Variants in CHRM3 observed in about 807,000 individuals in gnomAD.
CHRM3 encodes the protein cholinergic receptor muscarinic 3.
CHRM3 carries 11 observed loss-of-function variants against 41.8 expected under a neutral mutation model. The ratio of observed to expected loss-of-function variants is 0.26; its 90% confidence interval spans 0.17 to 0.44. The LOEUF (loss-of-function observed/expected upper bound fraction) is 0.44. Among genes scored for constraint, CHRM3 ranks in the 20% least tolerant of loss-of-function variants. The pLI, the probability that CHRM3 is intolerant of heterozygous loss-of-function variation, is 1.00. For missense variants in CHRM3, 571 were observed against 745.4 expected, an observed-to-expected ratio of 0.77 and a Z score of 2.72; for synonymous variants, 297 against 301.4, an observed-to-expected ratio of 0.99 and a Z score of 0.15.
In CHRM3 at chr1:239,747,645, G is replaced by A. The variant is rs1019692833; in HGVS notation, c.-147+69357G>A. On this transcript the variant is annotated intron_variant, in intron 5 of 6. Coordinates refer to ENST00000676153, the MANE Select transcript of CHRM3 (RefSeq NM_001375978.1). ...AAATAGAGCACAGAATTCTTGCTTTGAGAATGTGTGGCTTGCTCTGCATTT... is the reference window on the plus strand; with the variant it reads ...AAATAGAGCACAGAATTCTTGCTTTAAGAATGTGTGGCTTGCTCTGCATTT... Among the ~76,000 whole-genome samples, 3 of 152,196 alleles carry A rather than the reference G, an allele frequency of 2.0e-5. No homozygotes were observed. The South Asian group carries it at 6.2e-4, about 32-fold the overall frequency.
chr1:239,410,337 C>T (rs192113856), intron 1 of CHRM3, among the ~76,000 whole-genome samples: 9 of 152,244 alleles, frequency 5.9e-5, no homozygotes, highest in Admixed American at 1.3e-4. Flanking sequence ...AGCTTTCCGC[C>T]TCATGAAATT....
At chr1:239,701,051 T>C (rs1660639937) in intron 5 of CHRM3, among the ~76,000 whole-genome samples, 2 of 152,228 alleles carry the variant, frequency 1.3e-5, no homozygotes, top group African/African-American at 4.8e-5. Context: ...CCTTTACTTT[T>C]ATTTACCCTT....
At chr1:239,508,890 CT>C (rs1426402727) in intron 2 of CHRM3, among the ~76,000 whole-genome samples, 2 of 152,064 alleles carry the variant, frequency 1.3e-5, no homozygotes, top group East Asian at 3.8e-4. Context: ...GAGATGATAA[CT>C]TGGAAAAAAA....
chr1:239,580,511 C>A (rs561537242), intron 3 of CHRM3, among the ~76,000 whole-genome samples: 1 of 151,614 alleles, frequency 6.6e-6, no homozygotes, highest in African/African-American at 2.4e-5. Context: ...TCACTGTTAT[C>A]CTCACCCAAC....
At chr1:239,686,976 C>A (rs1229863776) in intron 5 of CHRM3, among the ~76,000 whole-genome samples, 1 of 152,080 alleles carries the variant, frequency 6.6e-6, no homozygotes, top group African/African-American at 2.4e-5. Flanking sequence ...ATATTATTAA[C>A]ATAAGTGCTT....
chr1:239,814,726 C>G (rs1671428971), intron 5 of CHRM3, among the ~76,000 whole-genome samples: 1 of 152,262 alleles, frequency 6.6e-6, no homozygotes, highest in African/African-American at 2.4e-5. Context: ...GACTCACGGT[C>G]AGGTCAGTGA....
intron 3 of CHRM3, among the ~76,000 whole-genome samples, chr1:239,604,315 GAA>G (rs11298833): frequency 3.3e-4 from 49 of 148,504 alleles, no homozygotes; most frequent in African/African-American, 9.2e-4. Context: ...CTGACAATCT[GAA>G]AAAAAAAAAG....
intron 6 of CHRM3, among the ~76,000 whole-genome samples, chr1:239,868,606 T>C (rs1676317673): frequency 6.6e-6 from 1 of 152,082 alleles, no homozygotes; most frequent in Non-Finnish European, 1.5e-5. Context: ...AGTTCTCAAA[T>C]CTGTTCTCAA....
chr1:239,644,069 G>A (rs1001024005), intron 4 of CHRM3, among the ~76,000 whole-genome samples: 1 of 152,206 alleles, frequency 6.6e-6, no homozygotes, highest in African/African-American at 2.4e-5. Flanking sequence ...ATTGACAAAT[G>A]TGATGTTGAA....
intron 3 of CHRM3, among the ~76,000 whole-genome samples, chr1:239,631,139 CTT>C (rs2148868059): frequency 6.6e-6 from 1 of 152,288 alleles, no homozygotes; most frequent in African/African-American, 2.4e-5. Flanking sequence ...AGCAATTACT[CTT>C]GTCCCCCATA....
chr1:239,833,408 A>G (rs1010156231), intron 6 of CHRM3, among the ~76,000 whole-genome samples: 6 of 152,316 alleles, frequency 3.9e-5, no homozygotes, highest in Non-Finnish European at 5.9e-5. Flanking sequence ...GAACCAGGGG[A>G]GAGGAGGAGT....
chr1:239,817,464 A>T (rs1671684643), intron 5 of CHRM3, among the ~76,000 whole-genome samples: 1 of 151,982 alleles, frequency 6.6e-6, no homozygotes, highest in African/African-American at 2.4e-5. Context: ...AATCTTTAAG[A>T]CAGAATCCAG....
At chr1:239,695,228 T>C (rs187022537) in intron 5 of CHRM3, among the ~76,000 whole-genome samples, 15 of 152,254 alleles carry the variant, frequency 9.9e-5, no homozygotes, top group Non-Finnish European at 2.1e-4. Flanking sequence ...GCCAGGATGG[T>C]GTCTGTCTCC....
At chr1:239,440,479 A>G (rs1025603284) in intron 1 of CHRM3, among the ~76,000 whole-genome samples, 2 of 152,148 alleles carry the variant, frequency 1.3e-5, no homozygotes, top group Non-Finnish European at 2.9e-5. Flanking sequence ...TTATTTTTTA[A>G]TTAAAATAGA....
intron 4 of CHRM3, among the ~76,000 whole-genome samples, chr1:239,653,346 A>T (rs1672412668): frequency 6.6e-6 from 1 of 152,136 alleles, no homozygotes. Context: ...AGGGGATAAG[A>T]TACTGAGGGT....
intron 6 of CHRM3, among the ~76,000 whole-genome samples, chr1:239,899,226 T>C (rs1025322653): frequency 6.6e-6 from 1 of 152,028 alleles, no homozygotes; most frequent in Non-Finnish European, 1.5e-5. Flanking sequence ...CATTTTTTTC[T>C]TTTTTAATTC....
chr1:239,406,948 G>C (rs763863152), intron 1 of CHRM3, among the ~76,000 whole-genome samples: 1 of 152,290 alleles, frequency 6.6e-6, no homozygotes, highest in South Asian at 2.1e-4. Context: ...TTTTTGGAGA[G>C]ATACCAGGCA....
At chr1:239,895,715 G>A (rs1678941982) in intron 6 of CHRM3, among the ~76,000 whole-genome samples, 1 of 152,118 alleles carries the variant, frequency 6.6e-6, no homozygotes, top group South Asian at 2.1e-4. Context: ...AGTAATGCAA[G>A]AACAGAAAAC....
chr1:239,479,359 T>G (rs1666678755), intron 1 of CHRM3, among the ~76,000 whole-genome samples: 1 of 152,104 alleles, frequency 6.6e-6, no homozygotes, highest in Non-Finnish European at 1.5e-5. Context: ...AAGAAAATCT[T>G]AAAAGCAGCC....
Sources: allele counts gnomAD v4.1 joint callset (sites outside exome capture counted in the v4.1 genomes callset), GRCh38; gene constraint gnomAD v4.1.1; transcripts MANE v1.5; gene names NCBI Gene and HGNC (gene_info 2026-07-23, HGNC 2026-07-21).